FHIT: variants seen among roughly 807,000 people sequenced by gnomAD.
FHIT encodes fragile histidine triad diadenosine triphosphatase.
FHIT carries 19 observed loss-of-function variants against 17.9 expected under a neutral mutation model. The observed-to-expected ratio is 1.06, with a 90% CI of 0.74 to 1.56. The LOEUF (loss-of-function observed/expected upper bound fraction) is 1.56. Among genes scored for constraint, FHIT ranks in the 40% most tolerant of loss-of-function variants. FHIT has a pLI of 0.00. For synonymous variants in FHIT, 81 were observed against 69.7 expected, an observed-to-expected ratio of 1.16 and a Z score of -0.81; for missense variants, 248 against 189.2, an observed-to-expected ratio of 1.31 and a Z score of -1.82.
intron 3 of FHIT, among the ~76,000 whole-genome samples, chr3:60,871,447 AT>A (rs1559790339): frequency 1.3e-5 from 2 of 152,144 alleles, no homozygotes; most frequent in African/African-American, 4.8e-5. Context: ...GTCTAATAAC[AT>A]AACACTGTCA....
intron 5 of FHIT, among the ~76,000 whole-genome samples, chr3:60,118,525 T>A (rs555637339): frequency 1.3e-5 from 2 of 152,140 alleles, no homozygotes; most frequent in South Asian, 4.2e-4. Context: ...TAGGGAGGCA[T>A]AATACTGTCA....
chr3:60,474,747 C>T (rs1015011774), intron 5 of FHIT, among the ~76,000 whole-genome samples: 2 of 152,036 alleles, frequency 1.3e-5, no homozygotes, highest in African/African-American at 2.4e-5. Flanking sequence ...CCTCAGCCTC[C>T]CGAGTAGCTG....
intron 3 of FHIT, among the ~76,000 whole-genome samples, chr3:60,961,776 C>A (rs1240083321): frequency 2.0e-5 from 3 of 152,268 alleles, no homozygotes; most frequent in Middle Eastern, 3.4e-3. Flanking sequence ...CTGTTCTGTT[C>A]CATTGGCCTA....
chr3:59,849,374 GA>G (rs1005371602), intron 8 of FHIT, among the ~76,000 whole-genome samples: 33 of 147,668 alleles, frequency 2.2e-4, no homozygotes, highest in African/African-American at 4.5e-4. Context: ...CTCTGTCACA[GA>G]AAAAAAAAAG....
At position 60,962,359 on chromosome 3, in the gene FHIT, A is replaced by T. The variant is rs1021016814; in HGVS notation, c.-111+79688T>A. Among the ~76,000 whole-genome samples, 9 of 152,356 alleles carry T rather than the reference A, an allele frequency of 5.9e-5. No homozygotes were observed. The South Asian group carries it at 6.2e-4, about 11-fold the overall frequency. ...AGATGATGGGGATTTCTAAATGTAC[A>T]GTCATGTCATCTGCAAACAGGGACA... On this transcript the variant is annotated intron_variant, in intron 3 of 9. Transcript: ENST00000492590.
chr3:60,444,332 T>C (rs1178165693), intron 5 of FHIT, among the ~76,000 whole-genome samples: 1 of 152,310 alleles, frequency 6.6e-6, no homozygotes, highest in African/African-American at 2.4e-5. Context: ...GACCCAGCCA[T>C]CCCATTACTG....
intron 8 of FHIT, among the ~76,000 whole-genome samples, chr3:59,790,144 C>T (rs1266007073): frequency 1.3e-5 from 2 of 152,102 alleles, no homozygotes; most frequent in Non-Finnish European, 2.9e-5. Context: ...AGATTGGGTA[C>T]AAAATAGTAT....
At chr3:60,393,543 G>T (rs1181263511) in intron 5 of FHIT, among the ~76,000 whole-genome samples, 1 of 151,898 alleles carries the variant, frequency 6.6e-6, no homozygotes, top group African/African-American at 2.4e-5. Context: ...AGGAAAAGCT[G>T]ACCAAATAAA....
intron 5 of FHIT, among the ~76,000 whole-genome samples, chr3:60,445,776 C>T (rs1321830129): frequency 2.1e-5 from 3 of 143,004 alleles, no homozygotes; most frequent in Admixed American, 7.0e-5. Context: ...ACCAAACTAG[C>T]AAACTTTAAA....
intron 4 of FHIT, chr3:60,732,415 C>G: frequency 1.3e-6 from 1 of 751,536 alleles, no homozygotes; most frequent in Non-Finnish European, 2.5e-6. Context: ...ATGGACTTGC[C>G]ACCAGTGCCA....
chr3:60,018,166 CA>C (rs1368806503), intron 5 of FHIT, among the ~76,000 whole-genome samples: 1 of 152,102 alleles, frequency 6.6e-6, no homozygotes, highest in South Asian at 2.1e-4. Flanking sequence ...AAACAGTTTG[CA>C]GAGATCATAT....
chr3:60,331,561 C>T (rs1709979148), intron 5 of FHIT, among the ~76,000 whole-genome samples: 1 of 152,130 alleles, frequency 6.6e-6, no homozygotes, highest in South Asian at 2.1e-4. Flanking sequence ...TAGAAATATA[C>T]TCGGTCCGGG....
At chr3:60,443,016 T>C (rs1200483190) in intron 5 of FHIT, among the ~76,000 whole-genome samples, 1 of 152,140 alleles carries the variant, frequency 6.6e-6, no homozygotes, top group Non-Finnish European at 1.5e-5. Flanking sequence ...TTCCTAGGTA[T>C]TTTATTCTCT....
intron 5 of FHIT, among the ~76,000 whole-genome samples, chr3:60,341,172 C>T (rs921380712): frequency 3.3e-5 from 5 of 152,104 alleles, no homozygotes; most frequent in African/African-American, 4.8e-5. Flanking sequence ...AGGATGACTG[C>T]GTTCTCATTC....
chr3:60,955,614 A>ATATACATATATATATATACATG (rs1559862333), intron 3 of FHIT, among the ~76,000 whole-genome samples: 125 of 12,024 alleles, frequency 0.01, 1 homozygote, highest in Non-Finnish European at 0.029. Flanking sequence ...ATATATATAT[A>ATATACATATATATATATACATG]TATATATATA....
chr3:60,513,281 A>C (rs1017391835), intron 5 of FHIT, among the ~76,000 whole-genome samples: 1 of 152,178 alleles, frequency 6.6e-6, no homozygotes, highest in Non-Finnish European at 1.5e-5. Flanking sequence ...CTGAGGTTGA[A>C]ATTTTTACAT....
At chr3:60,302,012 T>A (rs1390764) in intron 5 of FHIT, among the ~76,000 whole-genome samples, 83 of 152,288 alleles carry the variant, frequency 5.5e-4, no homozygotes, top group African/African-American at 1.9e-3. Context: ...ACTAAATATA[T>A]TTAAAGTGGT....
At chr3:60,058,986 T>C (rs1702196376) in intron 5 of FHIT, among the ~76,000 whole-genome samples, 1 of 150,714 alleles carries the variant, frequency 6.6e-6, no homozygotes, top group African/African-American at 2.5e-5. Context: ...AGGAACCGAG[T>C]GAGTAAGAAA....
rs186961781 is a variant in FHIT, at chr3:59,962,127, G to A, written c.280-39713C>T. ...ACTTTTGAACCAAAACATTTAATTC[G>A]CCAGTCCTGACCATATCTATAACAA... On this transcript the variant is annotated intron_variant, in intron 7 of 9. Transcript: ENST00000492590. Among the ~76,000 whole-genome samples, 78 of 152,190 alleles carry A rather than the reference G, an allele frequency of 5.1e-4. No individual in the cohort carries two copies. The East Asian group carries it at 0.015, about 29-fold the overall frequency.
Sources: gnomAD v4.1 joint callset for allele counts (sites outside exome capture counted in the v4.1 genomes callset) on GRCh38, gnomAD v4.1.1 for gene constraint, MANE v1.5 for transcripts, NCBI Gene and HGNC (gene_info 2026-07-23, HGNC 2026-07-21) for gene names.